GTF2F2: variants seen among roughly 807,000 people sequenced by gnomAD.
The protein encoded by GTF2F2 is ATP-dependent helicase GTF2F2.
In GTF2F2, 23 loss-of-function variants were observed where a neutral mutation model predicts 42.2. That is an observed-to-expected ratio of 0.55 (90% CI 0.39 to 0.77). The LOEUF (loss-of-function observed/expected upper bound fraction) is 0.77, where lower values mean the gene tolerates loss of function less well. Ranked by LOEUF, GTF2F2 falls within the 30% of genes least tolerant of loss-of-function variation. GTF2F2 has a pLI of 0.00. For synonymous variants in GTF2F2, 105 were observed against 100.8 expected, an observed-to-expected ratio of 1.04 and a Z score of -0.25; for missense variants, 261 against 287.2, an observed-to-expected ratio of 0.91 and a Z score of 0.66.
chr13:45,156,599 A>T lies in GTF2F2; in HGVS notation c.304+4768A>T, dbSNP rs1255055432. 2.6e-5 allele frequency among the ~76,000 whole-genome samples: 4 copies of T among 152,220 alleles called. No homozygotes were observed. In the East Asian group the frequency reaches 7.7e-4, roughly 29 times the overall value. The stretch of plus-strand genomic sequence containing the variant: ...GGGATAATAGAGGTAATTTTTTTTT[A>T]ATCTTTTTTGCCATCAGGTAAGTCG... On this transcript the variant is annotated intron_variant, in intron 4 of 7. Transcript: ENST00000340473.
At chr13:45,224,170 A>T (rs1874235090) in intron 5 of GTF2F2, among the ~76,000 whole-genome samples, 1 of 152,178 alleles carries the variant, frequency 6.6e-6, no homozygotes, top group Non-Finnish European at 1.5e-5. Flanking sequence ...CCTTTACAAG[A>T]TGGCCCCAGA....
chr13:45,169,233 G>C (rs529604380), intron 4 of GTF2F2, among the ~76,000 whole-genome samples: 5 of 152,262 alleles, frequency 3.3e-5, no homozygotes, highest in African/African-American at 1.2e-4. Flanking sequence ...GACCTGTAAA[G>C]AGGCGATGAA....
At chr13:45,124,227 T>C (rs888365156) in intron 1 of GTF2F2, 9 of 325,084 alleles carry the variant, frequency 2.8e-5, no homozygotes, top group Non-Finnish European at 5.4e-5. Flanking sequence ...GGACTATAGG[T>C]GCCTGCTACC....
chr13:45,184,320 C>T (rs1041644394), intron 4 of GTF2F2, among the ~76,000 whole-genome samples: 7 of 151,934 alleles, frequency 4.6e-5, no homozygotes, highest in Admixed American at 3.3e-4. Flanking sequence ...GAGGTTTTAG[C>T]CTTTTACTTC....
chr13:45,154,787 A>G (rs1870672542), intron 4 of GTF2F2, among the ~76,000 whole-genome samples: 1 of 152,184 alleles, frequency 6.6e-6, no homozygotes, highest in African/African-American at 2.4e-5. Context: ...ATTTTTAAAC[A>G]CTTTAGGTTT....
chr13:45,156,912 C>T (rs1870784583), intron 4 of GTF2F2, among the ~76,000 whole-genome samples: 1 of 152,074 alleles, frequency 6.6e-6, no homozygotes. Flanking sequence ...CCCTTTTAGG[C>T]TTGGGATGCT....
chr13:45,191,253 A>ATATATATATATATATG (rs1566129375), intron 4 of GTF2F2, among the ~76,000 whole-genome samples: 2 of 138,570 alleles, frequency 1.4e-5, no homozygotes, highest in East Asian at 2.0e-4. Context: ...ATATATATAT[A>ATATATATATATATATG]TAGCCATAAT....
chr13:45,149,493 A>T (rs1283299490), intron 2 of GTF2F2, among the ~76,000 whole-genome samples: 1 of 151,940 alleles, frequency 6.6e-6, no homozygotes, highest in African/African-American at 2.4e-5. Flanking sequence ...TTGTAATAAG[A>T]TCATTATTTG....
chr13:45,185,537 C>T (rs1482787683), intron 4 of GTF2F2, among the ~76,000 whole-genome samples: 1 of 152,134 alleles, frequency 6.6e-6, no homozygotes, highest in Non-Finnish European at 1.5e-5. Flanking sequence ...TCACCCACAA[C>T]CTTTAGCTAT....
intron 5 of GTF2F2, among the ~76,000 whole-genome samples, chr13:45,215,310 T>G (rs1873843171): frequency 6.6e-6 from 1 of 152,222 alleles, no homozygotes; most frequent in Admixed American, 6.5e-5. Context: ...AGGATACTTT[T>G]GAGAATGAAA....
At chr13:45,212,745 C>G (rs536733211) in intron 5 of GTF2F2, among the ~76,000 whole-genome samples, 1 of 150,944 alleles carries the variant, frequency 6.6e-6, no homozygotes, top group East Asian at 1.9e-4. Flanking sequence ...TTTGTAGTTT[C>G]TTTTTTTTGT....
intron 5 of GTF2F2, among the ~76,000 whole-genome samples, chr13:45,241,184 A>ATATATATATATATAT (rs1875282292): frequency 4.2e-5 from 6 of 143,884 alleles, no homozygotes; most frequent in African/African-American, 1.5e-4. Flanking sequence ...ATAAATATAA[A>ATATATATATATATAT]ATATATATAT....
chr13:45,233,777 A>G (rs576389121), intron 5 of GTF2F2, among the ~76,000 whole-genome samples: 8 of 152,030 alleles, frequency 5.3e-5, no homozygotes, highest in Non-Finnish European at 1.2e-4. Flanking sequence ...GCTGGGTGTG[A>G]TGGTGTGCAC....
At chr13:45,189,657 C>T (rs928000617) in intron 4 of GTF2F2, among the ~76,000 whole-genome samples, 2 of 147,224 alleles carry the variant, frequency 1.4e-5, no homozygotes, top group Admixed American at 6.7e-5. Context: ...AGGACATAGG[C>T]ATGGGCAAAG....
At chr13:45,263,748 G>A (rs1373223151) in intron 6 of GTF2F2, 1 of 154,012 alleles carries the variant, frequency 6.5e-6, no homozygotes, top group African/African-American at 2.4e-5. Flanking sequence ...CCATGCATCT[G>A]AGGTTTTATG....
At chr13:45,212,650 C>T (rs71431329) in intron 5 of GTF2F2, among the ~76,000 whole-genome samples, 1 of 151,870 alleles carries the variant, frequency 6.6e-6, no homozygotes, top group Admixed American at 6.6e-5. Context: ...ACTCCAGCCT[C>T]TGCCTCCCAG....
chr13:45,214,950 T>A (rs1873827850), intron 5 of GTF2F2, among the ~76,000 whole-genome samples: 1 of 152,238 alleles, frequency 6.6e-6, no homozygotes, highest in African/African-American at 2.4e-5. Context: ...TAAAAGTTTT[T>A]ATTTTTATTC....
chr13:45,240,015 A>G (rs562843203), intron 5 of GTF2F2, among the ~76,000 whole-genome samples: 2 of 151,816 alleles, frequency 1.3e-5, no homozygotes, highest in Non-Finnish European at 2.9e-5. Flanking sequence ...TAAGTCTTTC[A>G]CTAAGAGGGA....
intron 4 of GTF2F2, chr13:45,192,928 C>T (rs1197446016): frequency 6.6e-6 from 1 of 152,194 alleles, no homozygotes; most frequent in Non-Finnish European, 1.5e-5. Flanking sequence ...TTTGTGGGAA[C>T]TCAGCCTGCA....
Sources: gnomAD v4.1 joint callset for allele counts (sites outside exome capture counted in the v4.1 genomes callset) on GRCh38, gnomAD v4.1.1 for gene constraint, MANE v1.5 for transcripts, NCBI Gene and HGNC (gene_info 2026-07-23, HGNC 2026-07-21) for gene names.